The following PARD3 variants were observed in gnomAD, a reference collection of about 807,000 sequenced individuals.
PARD3 encodes the protein par-3 family cell polarity regulator.
In PARD3, 75 loss-of-function variants were observed where a neutral mutation model predicts 155.4. That is an observed-to-expected ratio of 0.48 (90% CI 0.40 to 0.58). The LOEUF (loss-of-function observed/expected upper bound fraction) is 0.58, where lower values mean the gene tolerates loss of function less well. Among genes scored for constraint, PARD3 ranks in the 20% least tolerant of loss-of-function variants. PARD3 has a pLI of 0.00. For synonymous variants in PARD3, 576 were observed against 610.5 expected (o/e 0.94, Z 0.83); for missense variants, 1,642 against 1,721.7 (o/e 0.95, Z 0.82).
At chr10:34,740,582 C>T (rs971606750) in intron 1 of PARD3, among the ~76,000 whole-genome samples, 3 of 151,990 alleles carry the variant, frequency 2.0e-5, no homozygotes, top group African/African-American at 4.8e-5. Flanking sequence ...CCCCATCTCC[C>T]CCTCCCACTC....
chr10:34,480,557 C>T (rs1440446294), intron 3 of PARD3, among the ~76,000 whole-genome samples: 1 of 152,140 alleles, frequency 6.6e-6, no homozygotes, highest in Non-Finnish European at 1.5e-5. Context: ...CTTTTAACAG[C>T]ATCGGCCAGT....
At chr10:34,610,236 A>G (rs1035672087) in intron 2 of PARD3, among the ~76,000 whole-genome samples, 2 of 152,208 alleles carry the variant, frequency 1.3e-5, no homozygotes, top group Non-Finnish European at 2.9e-5. Flanking sequence ...TGAAGTTCCA[A>G]TCAATAATCC....
rs773304239 is a variant in PARD3, at chr10:34,517,112, G to T, written c.270C>A (p.Gly90=). The stretch of plus-strand genomic sequence containing the variant: ...GGGTACCCGTGGAACTGGCACTGGT[G>T]CCATCACCTCCGTGATGTGGATCCT... ...DEQDPHHGGD[G]TSASSTGTQS... Residue 90 remains glycine, a synonymous_variant, in exon 3 of 25, where the codon GGC becomes GGA. Transcript: ENST00000374788. 6.8e-6 allele frequency: 11 copies of T among 1,614,118 alleles called. No homozygotes were observed. The Admixed American group carries it at 1.8e-4, about 27-fold the overall frequency.
At chr10:34,635,444 C>T (rs2092433932) in intron 2 of PARD3, among the ~76,000 whole-genome samples, 1 of 152,228 alleles carries the variant, frequency 6.6e-6, no homozygotes, top group Non-Finnish European at 1.5e-5. Context: ...AACTTTCCTG[C>T]CTATCCTGAG....
chr10:34,259,081 T>C (rs564549425), intron 22 of PARD3, among the ~76,000 whole-genome samples: 1 of 151,298 alleles, frequency 6.6e-6, no homozygotes, highest in South Asian at 2.1e-4. Flanking sequence ...AAAAAAAGGA[T>C]AGTTTCAAAG....
intron 22 of PARD3, among the ~76,000 whole-genome samples, chr10:34,213,975 A>G (rs974092451): frequency 6.6e-6 from 1 of 152,094 alleles, no homozygotes; most frequent in African/African-American, 2.4e-5. Context: ...AGCTCACTGT[A>G]GCCTTGAACT....
At chr10:34,742,107 A>T (rs1590907177) in intron 1 of PARD3, among the ~76,000 whole-genome samples, 1 of 152,140 alleles carries the variant, frequency 6.6e-6, no homozygotes, top group South Asian at 2.1e-4. Flanking sequence ...GAGGATGAAA[A>T]TTCACGTGAT....
chr10:34,729,208 A>C (rs753244226), intron 1 of PARD3, among the ~76,000 whole-genome samples: 4 of 152,192 alleles, frequency 2.6e-5, no homozygotes, highest in Non-Finnish European at 4.4e-5. Context: ...AATCCTTAAA[A>C]TGCTGAATGC....
At chr10:34,620,200 C>A (rs988311227) in intron 2 of PARD3, among the ~76,000 whole-genome samples, 8 of 152,130 alleles carry the variant, frequency 5.3e-5, no homozygotes, top group Non-Finnish European at 1.2e-4. Context: ...CCAAATGCCA[C>A]CAATTTATTC....
At chr10:34,409,181 C>G (rs544297672) in intron 5 of PARD3, among the ~76,000 whole-genome samples, 2 of 152,232 alleles carry the variant, frequency 1.3e-5, no homozygotes, top group African/African-American at 4.8e-5. Context: ...ACATATACAA[C>G]ATGACTCCAT....
chr10:34,184,938 A>G (rs1473169128), intron 22 of PARD3, among the ~76,000 whole-genome samples: 1 of 152,140 alleles, frequency 6.6e-6, no homozygotes, highest in African/African-American at 2.4e-5. Flanking sequence ...TTGAGTGATG[A>G]CATTCTGCTC....
chr10:34,603,269 G>A (rs961144652), intron 2 of PARD3, among the ~76,000 whole-genome samples: 8 of 152,176 alleles, frequency 5.3e-5, no homozygotes, highest in East Asian at 3.8e-4. Flanking sequence ...CTGGTGCTCC[G>A]CAGCTCTGGT....
chr10:34,518,351 G>A (rs539417681), intron 2 of PARD3, among the ~76,000 whole-genome samples: 2 of 152,310 alleles, frequency 1.3e-5, no homozygotes, highest in South Asian at 4.1e-4. Context: ...TACCCAGATC[G>A]TGGTTTCTAA....
intron 1 of PARD3, among the ~76,000 whole-genome samples, chr10:34,697,771 T>A (rs2985304): frequency 0.59 from 88,706 of 150,124 alleles, 27,421 homozygotes; most frequent in Non-Finnish European, 0.67. Flanking sequence ...AAACAAACAC[T>A]CACACACACA....
intron 3 of PARD3, among the ~76,000 whole-genome samples, chr10:34,501,637 C>T (rs556701943): frequency 6.6e-6 from 1 of 151,940 alleles, no homozygotes; most frequent in East Asian, 1.9e-4. Flanking sequence ...TCATGGAAGA[C>T]GATGTATTTG....
rs76801642 is a variant in PARD3, at chr10:34,388,831, C to T, written c.891-4577G>A. On this transcript the variant is annotated intron_variant, in intron 7 of 24. Transcript: ENST00000374788. ...TCAGGAAAGGAGGCATTGGAGTAAG[C>T]TCTGTTTGGGGAATGGTTCCAAGAG... is the stretch of plus-strand genomic sequence containing the variant. Among the ~76,000 whole-genome samples, 455 of 152,196 alleles carry T rather than the reference C, an allele frequency of 3.0e-3. 2 individuals are homozygous for T. Among genetic ancestry groups the T allele is most frequent in the African/African-American group, 0.01 (431 of 41,514 alleles).
At position 34,724,402 on chromosome 10, in the gene PARD3, A is replaced by G. The variant is rs141588253; in HGVS notation, c.121-27983T>C. Among the ~76,000 whole-genome samples, 600 of 152,302 alleles carry G rather than the reference A, an allele frequency of 3.9e-3. 6 individuals are homozygous for G. The highest frequency in any genetic ancestry group is 0.014 in the African/African-American group (577 of 41,556). ...CCCTTCAGTTCTCTTACATAACTAA[A>G]GAGTTTTTTGTTTTGTTTATAAGCT... On this transcript the variant is annotated intron_variant, in intron 1 of 24. Coordinates refer to ENST00000374788, the MANE Select transcript of PARD3 (RefSeq NM_001184785.2).
rs1280547419 is a variant in PARD3 at position 34,355,189 on chromosome 10, T to A, written c.2067+3958A>T. Among the ~76,000 whole-genome samples, 6 of 151,766 alleles carry A rather than the reference T, an allele frequency of 4.0e-5. No individual in the cohort carries two copies. The South Asian group carries it at 6.3e-4, about 16-fold the overall frequency. Reference sequence around the variant, plus strand: ...CATCTTTAAAGAAAAATTAGTTGGGTGTGGTGGTGCATGCCTGTGGTCCCA... The same window carrying A: ...CATCTTTAAAGAAAAATTAGTTGGGAGTGGTGGTGCATGCCTGTGGTCCCA... On this transcript the variant is annotated intron_variant, in intron 14 of 24. Transcript: ENST00000374788.
chr10:34,226,820 T>C (rs1952623377), intron 22 of PARD3, among the ~76,000 whole-genome samples: 1 of 152,118 alleles, frequency 6.6e-6, no homozygotes, highest in Non-Finnish European at 1.5e-5. Context: ...TCATCTACTG[T>C]TGAATGAATT....
Sources: allele counts gnomAD v4.1 joint callset (sites outside exome capture counted in the v4.1 genomes callset), GRCh38; gene constraint gnomAD v4.1.1; transcripts MANE v1.5; gene names NCBI Gene and HGNC (gene_info 2026-07-23, HGNC 2026-07-21).